RNF213: variants seen among roughly 807,000 people sequenced by gnomAD.
RNF213 encodes the protein E3 ubiquitin-protein ligase RNF213.
In RNF213, 341 loss-of-function variants were observed where a neutral mutation model predicts 514.4. That is an observed-to-expected ratio of 0.66 (90% CI 0.61 to 0.73). The LOEUF is 0.73. RNF213 is among the 30% of genes least tolerant of loss of function. The pLI, the probability that RNF213 is intolerant of heterozygous loss-of-function variation, is 0.00. For synonymous variants in RNF213, 2,655 were observed against 2,658.2 expected (o/e 1.00, Z 0.04); for missense variants, 5,767 against 6,615.6 (o/e 0.87, Z 4.45).
intron 20 of RNF213, 35 bp from the exon 21 acceptor site, chr17:80,331,971 C>T: frequency 6.6e-7 from 1 of 1,520,024 alleles, no homozygotes; most frequent in Non-Finnish European, 8.8e-7. Context: ...ATGATTAGAG[C>T]TTTGACTTCT....
Position 80,317,551 on chromosome 17 carries a change from G to A in RNF213, c.2901+274G>A, listed in dbSNP as rs915806794. On this transcript the variant is annotated intron_variant, in intron 16 of 67. Transcript: ENST00000582970. This position sits in a 1 kb window ranked among gnomAD's most constrained non-coding sequence, Gnocchi z 4.1. ...TTCCTGACCCCTTCGTTGGACTTGC[G>A]ACAGGGATGCTGTGTTTACTTGGCC... is the stretch of plus-strand genomic sequence containing the variant. Among the ~76,000 whole-genome samples, 3 of 152,182 alleles carry A rather than the reference G, an allele frequency of 2.0e-5. No homozygotes were observed. The highest frequency in any genetic ancestry group is 6.5e-5 in the Admixed American group (1 of 15,282).
intron 36 of RNF213, chr17:80,355,262 C>T (rs571246997): frequency 4.2e-5 from 19 of 454,816 alleles, no homozygotes; most frequent in Middle Eastern, 6.5e-4. Flanking sequence ...GTGATAGGTT[C>T]GCTTTGGGCC....
chr17:80,345,972 G>A lies in RNF213; in HGVS notation c.7637G>A (p.Arg2546Lys), dbSNP rs766977927. 1 of 1,614,244 alleles carries A rather than the reference G, an allele frequency of 6.2e-7. No individual in the cohort carries two copies. Among genetic ancestry groups the A allele is most frequent in the Non-Finnish European group, 8.5e-7 (1 of 1,180,054 alleles). ...TTGGAGTCAGCTGGTTTGGGCTACA[G>A]GGTTAGTATGGAGGAGACGGCCGAC... is the stretch of plus-strand genomic sequence containing the variant. ...CRLESAGLGYRVSMEETADRL... is the reference protein window; with the variant it reads ...CRLESAGLGYKVSMEETADRL... The change falls in exon 29 of 68, where the codon AGG becomes AAG. Residue 2546 changes from arginine to lysine, a missense_variant. Physicochemically the swap from Arg to Lys is conservative, Grantham distance 26 (BLOSUM62 2). This residue lies in a region of RNF213 where 1,377 missense variants were observed against 1,635.2 expected (regional missense o/e 0.84). Coordinates refer to ENST00000582970, the MANE Select transcript of RNF213 (RefSeq NM_001256071.3). This position sits in a 1 kb window ranked among gnomAD's most constrained non-coding sequence, Gnocchi z 6.0.
At position 80,354,527 on chromosome 17, in the gene RNF213, G is replaced by A; in HGVS notation, c.10813G>A (p.Ala3605Thr). The A allele has an allele frequency of 6.2e-7, 1 of 1,614,208 alleles. No individual in the cohort carries two copies. The highest frequency in any genetic ancestry group is 8.5e-7 in the Non-Finnish European group (1 of 1,180,032). The part of the protein sequence containing the change: ...ESQFHPLEWL[A>T]REACNQDALQ... ...CCAGTTTCACCCTCTGGAGTGGTTG[G>A]CAAGGGAAGCCTGCAACCAGGACGC... is the stretch of plus-strand genomic sequence containing the variant. The change falls in exon 36 of 68, where the codon GCA becomes ACA. Residue 3605 changes from alanine (A) to threonine (T), a missense_variant. By Grantham distance (58) the Ala-to-Thr change is moderately conservative. Coordinates refer to ENST00000582970, the MANE Select transcript of RNF213 (RefSeq NM_001256071.3).
In RNF213 at chr17:80,343,174, T is replaced by C. The variant is rs78457838; in HGVS notation, c.6032T>C (p.Met2011Thr). 2.0e-3 allele frequency: 3,197 copies of C among 1,614,050 alleles called. 62 individuals carry two copies. The African/African-American group carries it at 0.036, about 18-fold the overall frequency. The change falls in exon 27 of 68, where the codon ATG becomes ACG. Residue 2011 changes from methionine (M) to threonine (T), a missense_variant. Met to Thr is a moderately conservative substitution (Grantham distance 81, BLOSUM62 -1). Around this residue, in one of 13 missense-constraint regions of RNF213, gnomAD observed 1,377 missense variants for 1,635.2 expected, o/e 0.84. Coordinates refer to ENST00000582970, the MANE Select transcript of RNF213 (RefSeq NM_001256071.3). This position sits in a 1 kb window ranked among gnomAD's most constrained non-coding sequence, Gnocchi z 4.3. The part of the protein sequence containing the change: ...YVKRLHDKMK[M>T]QLNVKNVPLK... Reference sequence around the variant, plus strand: ...AAGAGGTTGCACGACAAAATGAAGATGCAGTTAAACGTGAAAAATGTGCCT... The same window carrying C: ...AAGAGGTTGCACGACAAAATGAAGACGCAGTTAAACGTGAAAAATGTGCCT...
Position 80,358,436 on chromosome 17 carries a change from G to T in RNF213, c.11011G>T (p.Asp3671Tyr). ...AGATCTTTGGATGTTTATTTTCAGT[G>T]ACACGATGCTTCTGAACATTCCTCT... Reference protein sequence around the residue: ...ARDLWMFIFSDTMLLNIPLVM... With the variant: ...ARDLWMFIFSYTMLLNIPLVM... Residue 3671 changes from aspartate to tyrosine, a missense_variant, in exon 37 of 68, where the codon GAC (aspartate) becomes TAC (tyrosine). Around this residue, in one of 13 missense-constraint regions of RNF213, gnomAD observed 919 missense variants for 1,121.0 expected, o/e 0.82. Transcript: ENST00000582970. The T allele has an allele frequency of 6.2e-7, 1 of 1,614,124 alleles. No homozygotes were observed. The highest frequency in any genetic ancestry group is 1.1e-5 in the South Asian group (1 of 91,036).
Position 80,343,809 on chromosome 17 carries a change from A to T in RNF213, c.6184-48A>T, listed in dbSNP as rs780195403. 3.1e-6 allele frequency: 5 copies of T among 1,604,446 alleles called. No individual in the cohort carries two copies. The highest frequency in any genetic ancestry group is 4.3e-6 in the Non-Finnish European group (5 of 1,171,932). ...GGAGGGGTTACTTAGAGTTGGGAGA[A>T]CTCGCCATCGTGTCGTGTGTTTACA... is the stretch of plus-strand genomic sequence containing the variant. On this transcript the variant is annotated intron_variant, in intron 27 of 67. Transcript: ENST00000582970. This position sits in a 1 kb window ranked among gnomAD's most constrained non-coding sequence, Gnocchi z 4.3.
intron 5 of RNF213, 44 bp from the exon 6 acceptor site, chr17:80,289,615 G>C (rs759442148): frequency 6.6e-6 from 10 of 1,505,714 alleles, no homozygotes; most frequent in Non-Finnish European, 8.2e-6. Flanking sequence ...AAAAGAAAAT[G>C]TGGAGGCCGG....
rs571231913 is a variant in RNF213 at position 80,345,102 on chromosome 17, T to C, written c.6767T>C (p.Ile2256Thr). 6.2e-7 allele frequency: 1 copy of C among 1,614,094 alleles called. No homozygotes were observed. The highest frequency in any genetic ancestry group is 2.2e-5 in the East Asian group (1 of 44,874). ...GFKKFVVTFMIFMARDFATPS... is the reference protein window; with the variant it reads ...GFKKFVVTFMTFMARDFATPS... ...AAGAAGTTCGTGGTGACCTTCATGATCTTTATGGCAAGAGATTTTGCCACA... is the reference window on the plus strand; with the variant it reads ...AAGAAGTTCGTGGTGACCTTCATGACCTTTATGGCAAGAGATTTTGCCACA... The change falls in exon 29 of 68, where the codon ATC becomes ACC. Residue 2256 changes from isoleucine (I) to threonine (T), a missense_variant. Coordinates refer to ENST00000582970, the MANE Select transcript of RNF213 (RefSeq NM_001256071.3). The surrounding 1 kb of genome is among the most constrained non-coding windows in gnomAD (Gnocchi z 6.0).
chr17:80,289,547 A>G (rs952681774), intron 5 of RNF213, 112 bp from the exon 6 acceptor site: 211 of 1,147,654 alleles, frequency 1.8e-4, no homozygotes, highest in Non-Finnish European at 2.5e-4. Flanking sequence ...CTGAGATCGC[A>G]GTACTGCACT....
intron 17 of RNF213, among the ~76,000 whole-genome samples, chr17:80,322,562 C>T (rs546238715): frequency 1.3e-5 from 2 of 151,578 alleles, no homozygotes; most frequent in Non-Finnish European, 2.9e-5. Flanking sequence ...GGCGACAGAG[C>T]GAGACTCTGT....
intron 3 of RNF213, among the ~76,000 whole-genome samples, chr17:80,280,971 G>A (rs1428665477): frequency 2.6e-5 from 4 of 151,968 alleles, no homozygotes; most frequent in Admixed American, 6.6e-5. Context: ...GGACCGGAGC[G>A]TGTTGGTCAG....
chr17:80,363,557 G>T, intron 40 of RNF213, 52 bp from the exon 41 acceptor site: 1 of 1,598,604 alleles, frequency 6.3e-7, no homozygotes, highest in East Asian at 2.2e-5. Flanking sequence ...GGCCTCTGGT[G>T]GGCCGGTGGG....
rs1306198998 is a variant in RNF213, at chr17:80,264,838, C to G, written c.97+1060C>G. Among the ~76,000 whole-genome samples, 1 of 152,084 alleles carries G rather than the reference C, an allele frequency of 6.6e-6. No homozygotes were observed. The highest frequency in any genetic ancestry group is 2.4e-5 in the African/African-American group (1 of 41,410). ...TGCCCACCCCATTCCTCTTGGCTCC[C>G]TCTCCTGTCCCCAGAGCCCACCACC... is the stretch of plus-strand genomic sequence containing the variant. On this transcript the variant is annotated intron_variant, in intron 2 of 67. Coordinates refer to ENST00000582970, the MANE Select transcript of RNF213 (RefSeq NM_001256071.3). This position sits in a 1 kb window ranked among gnomAD's most constrained non-coding sequence, Gnocchi z 5.0.
Position 80,373,095 on chromosome 17 carries a change from T to C in RNF213, c.12872T>C (p.Phe4291Ser). 1 of 1,613,790 alleles carries C rather than the reference T, an allele frequency of 6.2e-7. No individual in the cohort carries two copies. Among genetic ancestry groups the C allele is most frequent in the Non-Finnish European group, 8.5e-7 (1 of 1,179,988 alleles). Residue 4291 changes from phenylalanine (F) to serine (S), a missense_variant, in exon 49 of 68, where the codon TTC (phenylalanine) becomes TCC (serine). Physicochemically the swap from Phe to Ser is radical, Grantham distance 155 (BLOSUM62 -2). This residue lies in a region of RNF213 where 1,245 missense variants were observed against 1,339.0 expected (regional missense o/e 0.93). Transcript: ENST00000582970. ...RKLSSQRGMEFVQGLSKPGRP... is the reference protein window; with the variant it reads ...RKLSSQRGMESVQGLSKPGRP... ...CTCAGCAGCCAGCGGGGGATGGAGT[T>C]CGTGCAGGGCCTCTCCAAGCCCGGC...
chr17:80,274,766 T>G (rs1245039860), intron 3 of RNF213, among the ~76,000 whole-genome samples: 3 of 4,018 alleles, frequency 7.5e-4, no homozygotes, highest in East Asian at 0.014. Context: ...GAGTGTGGGG[T>G]GTGAGTGGGG....
At chr17:80,372,376 C>T (rs1475903870) in intron 47 of RNF213, 145 bp from the exon 48 acceptor site, 1 of 670,796 alleles carries the variant, frequency 1.5e-6, no homozygotes, top group African/African-American at 1.8e-5. Context: ...TGTTAGGTTT[C>T]CATAAGTCAA....
chr17:80,303,317 T>C (rs1000325103), intron 11 of RNF213, among the ~76,000 whole-genome samples: 6 of 152,148 alleles, frequency 3.9e-5, no homozygotes, highest in Admixed American at 3.3e-4. Flanking sequence ...CTCTGGGCCT[T>C]GCAGTGAGAA....
intron 49 of RNF213, 105 bp downstream of exon 49, chr17:80,373,270 ACC>A: frequency 1.7e-6 from 1 of 601,992 alleles, no homozygotes; most frequent in Non-Finnish European, 2.5e-6. Context: ...CCCACACCCC[ACC>A]CCCTCACACC....
Sources: gnomAD v4.1 joint callset for allele counts (sites outside exome capture counted in the v4.1 genomes callset) on GRCh38, gnomAD v4.1.1 for gene constraint, gnomAD v4.1.1 regional missense constraint, Gnocchi (gnomAD v3.1) non-coding constraint, MANE v1.5 for transcripts, NCBI Gene and HGNC (gene_info 2026-07-23, HGNC 2026-07-21) for gene names.